Variants in EVI5 observed in about 807,000 individuals in gnomAD.
EVI5 encodes the protein ecotropic viral integration site 5.
In EVI5, 73 loss-of-function variants were observed where a neutral mutation model predicts 112.0. The ratio of observed to expected loss-of-function variants is 0.65; its 90% CI spans 0.54 to 0.79. The LOEUF (loss-of-function observed/expected upper bound fraction) is 0.79. EVI5 is among the 30% of genes least tolerant of loss of function. EVI5 has a pLI of 0.00. For missense variants in EVI5, 900 were observed against 968.8 expected (o/e 0.93, Z 0.94); for synonymous variants, 305 against 319.9 (o/e 0.95, Z 0.50).
chr1:92,668,141 T>G (rs906964935), intron 10 of EVI5, among the ~76,000 whole-genome samples: 2 of 152,330 alleles, frequency 1.3e-5, no homozygotes, highest in African/African-American at 2.4e-5. Context: ...CTGCATCTTA[T>G]TAAAGTGGAT....
At chr1:92,775,514 G>T (rs1683997538) in intron 1 of EVI5, among the ~76,000 whole-genome samples, 1 of 151,884 alleles carries the variant, frequency 6.6e-6, no homozygotes, top group Admixed American at 6.6e-5. Flanking sequence ...AAGTACCACT[G>T]TGTTACAACT....
chr1:92,520,483 G>T (rs1036564942), intron 19 of EVI5, among the ~76,000 whole-genome samples: 1 of 152,106 alleles, frequency 6.6e-6, no homozygotes, highest in African/African-American at 2.4e-5. Flanking sequence ...AAAAGTCTGT[G>T]GGTTCATGGT....
chr1:92,528,808 G>A (rs888035591), intron 19 of EVI5, among the ~76,000 whole-genome samples: 1 of 152,160 alleles, frequency 6.6e-6, no homozygotes, highest in Non-Finnish European at 1.5e-5. Context: ...GAGGAGTAAC[G>A]AGGGCCTTCT....
intron 13 of EVI5, among the ~76,000 whole-genome samples, chr1:92,661,439 A>G (rs1663989187): frequency 6.6e-6 from 1 of 152,174 alleles, no homozygotes; most frequent in Admixed American, 6.5e-5. Flanking sequence ...AAAAAATTTA[A>G]TTCATGATTC....
intron 1 of EVI5, chr1:92,756,705 T>C (rs970372122): frequency 4.1e-6 from 2 of 488,600 alleles, no homozygotes; most frequent in African/African-American, 4.0e-5. Flanking sequence ...CTCACCGCTG[T>C]ATCGCCATCC....
chr1:92,619,766 A>AT (rs1367616111), intron 16 of EVI5, among the ~76,000 whole-genome samples: 12 of 149,648 alleles, frequency 8.0e-5, no homozygotes, highest in South Asian at 2.2e-4. Flanking sequence ...AAAAAAAAAA[A>AT]TTTTTTTTTT....
At chr1:92,708,715 G>A (rs951558825) in intron 2 of EVI5, among the ~76,000 whole-genome samples, 1 of 151,904 alleles carries the variant, frequency 6.6e-6, no homozygotes, top group Non-Finnish European at 1.5e-5. Context: ...AAATCCAAGT[G>A]TCCATCAACT....
At chr1:92,554,361 T>C (rs933927411) in intron 19 of EVI5, among the ~76,000 whole-genome samples, 1 of 152,168 alleles carries the variant, frequency 6.6e-6, no homozygotes, top group Non-Finnish European at 1.5e-5. Flanking sequence ...GATCAGAAGT[T>C]AGAATGCCCA....
intron 14 of EVI5, among the ~76,000 whole-genome samples, chr1:92,629,709 A>C (rs1470416020): frequency 6.6e-6 from 1 of 151,800 alleles, no homozygotes; most frequent in East Asian, 1.9e-4. Flanking sequence ...GTACATGTGC[A>C]CAATGTGCAG....
Position 92,697,852 on chromosome 1 carries a change from A to C in EVI5, c.765+8T>G. 1 of 1,608,250 alleles carries C rather than the reference A, an allele frequency of 6.2e-7. No individual in the cohort carries two copies. The highest frequency in any genetic ancestry group is 8.5e-7 in the Non-Finnish European group (1 of 1,177,550). Reference sequence around the variant, plus strand: ...CAATATGCCTTTTTATCAACACTGCACTTTTACCTGTATCATACATTCAAA... The same window carrying C: ...CAATATGCCTTTTTATCAACACTGCCCTTTTACCTGTATCATACATTCAAA... On this transcript the variant is annotated splice_region_variant and intron_variant, in intron 6 of 19. Transcript: ENST00000684568.
At chr1:92,695,851 C>T (rs1670239509) in intron 6 of EVI5, among the ~76,000 whole-genome samples, 1 of 152,016 alleles carries the variant, frequency 6.6e-6, no homozygotes, top group Non-Finnish European at 1.5e-5. Context: ...ACTGATCACC[C>T]ATTCTTACCT....
chr1:92,742,642 C>T (rs1177999409), intron 1 of EVI5, among the ~76,000 whole-genome samples: 1 of 151,160 alleles, frequency 6.6e-6, no homozygotes, highest in Admixed American at 6.6e-5. Flanking sequence ...CATTGCACTC[C>T]AGCCTGGGCG....
At chr1:92,635,108 G>T (rs1229738798) in intron 14 of EVI5, among the ~76,000 whole-genome samples, 1 of 152,212 alleles carries the variant, frequency 6.6e-6, no homozygotes, top group African/African-American at 2.4e-5. Context: ...GTGCCTCCCA[G>T]TTAGGCTACT....
chr1:92,621,827 G>T (rs1262498770), intron 16 of EVI5, among the ~76,000 whole-genome samples: 2 of 152,048 alleles, frequency 1.3e-5, no homozygotes, highest in East Asian at 3.9e-4. Flanking sequence ...TTTATCTTAA[G>T]AAATCTAAAT....
At chr1:92,626,644 A>G (rs1655731393) in intron 14 of EVI5, among the ~76,000 whole-genome samples, 1 of 152,162 alleles carries the variant, frequency 6.6e-6, no homozygotes, top group Non-Finnish European at 1.5e-5. Context: ...TTCACTAGCA[A>G]TGTATGAGGG....
intron 2 of EVI5, among the ~76,000 whole-genome samples, chr1:92,718,712 T>TA (rs1291537575): frequency 1.3e-5 from 2 of 151,748 alleles, no homozygotes; most frequent in African/African-American, 2.4e-5. Flanking sequence ...CTGAAGGAGA[T>TA]AGAGACACAA....
chr1:92,620,081 A>C (rs1654183477), intron 16 of EVI5, among the ~76,000 whole-genome samples: 1 of 152,210 alleles, frequency 6.6e-6, no homozygotes, highest in Non-Finnish European at 1.5e-5. Flanking sequence ...GTGCTGGCTC[A>C]CGCCTATAAT....
At chr1:92,719,531 T>C (rs1674380516) in intron 2 of EVI5, among the ~76,000 whole-genome samples, 1 of 151,994 alleles carries the variant, frequency 6.6e-6, no homozygotes, top group Admixed American at 6.5e-5. Flanking sequence ...AAACTAGGTA[T>C]TGATGGAACA....
chr1:92,561,415 A>C (rs762914312), intron 19 of EVI5, among the ~76,000 whole-genome samples: 4 of 152,144 alleles, frequency 2.6e-5, no homozygotes, highest in African/African-American at 4.8e-5. Context: ...TAATTTTAAC[A>C]GTAGAAAATT....
Sources: gnomAD v4.1 joint callset for allele counts (sites outside exome capture counted in the v4.1 genomes callset) on GRCh38, gnomAD v4.1.1 for gene constraint, MANE v1.5 for transcripts, NCBI Gene and HGNC (gene_info 2026-07-23, HGNC 2026-07-21) for gene names.